TCF7L2: variants seen among roughly 807,000 people sequenced by gnomAD.
TCF7L2 encodes the protein transcription factor 7-like 2.
In TCF7L2, 23 loss-of-function variants were observed where a neutral mutation model predicts 77.9. The ratio of observed to expected loss-of-function variants is 0.30; its 90% CI spans 0.21 to 0.42. TCF7L2 has a LOEUF of 0.42. Among genes scored for constraint, TCF7L2 ranks in the 10% least tolerant of loss-of-function variants. TCF7L2 has a pLI of 1.00. For synonymous variants in TCF7L2, 413 were observed against 340.2 expected, an observed-to-expected ratio of 1.21 and a Z score of -2.36; for missense variants, 654 against 793.1, an observed-to-expected ratio of 0.82 and a Z score of 2.11.
intron 3 of TCF7L2, among the ~76,000 whole-genome samples, chr10:112,956,809 C>T (rs1000835554): frequency 2.6e-5 from 4 of 152,118 alleles, no homozygotes; most frequent in South Asian, 2.1e-4. Context: ...TTTGACGCCA[C>T]GTTGGCCTTA....
chr10:113,056,760 T>G (rs1591096746), intron 5 of TCF7L2, among the ~76,000 whole-genome samples: 2 of 152,308 alleles, frequency 1.3e-5, no homozygotes, highest in Non-Finnish European at 2.9e-5. Flanking sequence ...TTTTACAAAG[T>G]GTACTTTTAA....
intron 2 of TCF7L2, 77 bp downstream of exon 2, chr10:112,951,350 G>A (rs2031148704): frequency 1.0e-6 from 1 of 978,690 alleles, no homozygotes; most frequent in African/African-American, 1.8e-5. Flanking sequence ...CCGGCCCCGC[G>A]CCCGGCTCGG....
rs2074007680 is a variant in TCF7L2, at chr10:113,165,768, A to G, written c.1605A>G (p.Pro535=). The G allele has an allele frequency of 1.2e-6, 2 of 1,601,040 alleles. No homozygotes were observed. The highest frequency in any genetic ancestry group is 1.7e-6 in the Non-Finnish European group (2 of 1,175,490). The stretch of plus-strand genomic sequence containing the variant: ...CCCACCTGTCCATGATGCCTCCGCC[A>G]CCCGCCCTCCTGCTCGCTGAGGCCA... Residue 535 remains proline (P), a synonymous_variant, in exon 14 of 14, where the codon CCA becomes CCG. Transcript: ENST00000627217.
At chr10:113,110,561 A>T (rs1239899457) in intron 5 of TCF7L2, among the ~76,000 whole-genome samples, 1 of 152,172 alleles carries the variant, frequency 6.6e-6, no homozygotes, top group South Asian at 2.1e-4. Flanking sequence ...TCTTCTCACA[A>T]GCCTGGCTGC....
chr10:112,959,253 T>A (rs1043037992), intron 3 of TCF7L2, among the ~76,000 whole-genome samples: 1 of 152,190 alleles, frequency 6.6e-6, no homozygotes, highest in African/African-American at 2.4e-5. Flanking sequence ...GATAAAACTT[T>A]CTTGAAGCGA....
intron 5 of TCF7L2, among the ~76,000 whole-genome samples, chr10:113,074,317 G>A (rs574982860): frequency 2.0e-5 from 3 of 152,146 alleles, no homozygotes; most frequent in South Asian, 4.2e-4. Context: ...CCCTCTTCCC[G>A]TTGTCCAAAA....
At chr10:113,077,071 G>A (rs2058768652) in intron 5 of TCF7L2, among the ~76,000 whole-genome samples, 1 of 152,068 alleles carries the variant, frequency 6.6e-6, no homozygotes, top group Non-Finnish European at 1.5e-5. Flanking sequence ...TCCTGATTTG[G>A]GGTGCTAAGA....
intron 5 of TCF7L2, among the ~76,000 whole-genome samples, chr10:113,051,782 A>G (rs1382034697): frequency 6.6e-6 from 1 of 152,154 alleles, no homozygotes; most frequent in Non-Finnish European, 1.5e-5. Flanking sequence ...TATTTTTGGT[A>G]TCTCAGAGTT....
At chr10:113,107,568 C>A (rs998090579) in intron 5 of TCF7L2, among the ~76,000 whole-genome samples, 1 of 151,586 alleles carries the variant, frequency 6.6e-6, no homozygotes, top group Non-Finnish European at 1.5e-5. Context: ...ACAGTGAAAC[C>A]CTGTCTCCAC....
intron 4 of TCF7L2, among the ~76,000 whole-genome samples, chr10:112,965,465 C>G (rs1226346346): frequency 6.6e-6 from 1 of 152,106 alleles, no homozygotes; most frequent in Non-Finnish European, 1.5e-5. Flanking sequence ...CTGGCTTAAC[C>G]CTTTGAAGGG....
At chr10:112,953,071 C>A (rs1216291189) in intron 3 of TCF7L2, among the ~76,000 whole-genome samples, 1 of 152,124 alleles carries the variant, frequency 6.6e-6, no homozygotes, top group Admixed American at 6.5e-5. Context: ...GTTCAGCAGC[C>A]ATGGATTCGG....
intron 4 of TCF7L2, among the ~76,000 whole-genome samples, chr10:112,989,781 A>G (rs769554694): frequency 3.3e-5 from 5 of 152,220 alleles, no homozygotes; most frequent in Non-Finnish European, 5.9e-5. Context: ...GGTAGATGAA[A>G]TGTTGAGATT....
intron 5 of TCF7L2, among the ~76,000 whole-genome samples, chr10:113,093,092 C>G (rs113275947): frequency 6.6e-6 from 1 of 152,100 alleles, no homozygotes; most frequent in Admixed American, 6.6e-5. Context: ...GGGATATTCC[C>G]GCAGTCTGCT....
At chr10:113,105,387 G>A (rs1275841371) in intron 5 of TCF7L2, among the ~76,000 whole-genome samples, 3 of 152,112 alleles carry the variant, frequency 2.0e-5, no homozygotes, top group South Asian at 4.1e-4. Context: ...GAGCTTCTGG[G>A]ATTTGGAACT....
At chr10:112,997,674 C>G (rs993270802) in intron 4 of TCF7L2, among the ~76,000 whole-genome samples, 1 of 152,190 alleles carries the variant, frequency 6.6e-6, no homozygotes, top group African/African-American at 2.4e-5. Context: ...TGTAAAACAT[C>G]TCCCTGGTCT....
intron 11 of TCF7L2, among the ~76,000 whole-genome samples, chr10:113,155,450 G>A (rs1389729404): frequency 6.6e-6 from 1 of 152,146 alleles, no homozygotes; most frequent in Admixed American, 6.5e-5. Context: ...TTCACTAAGT[G>A]TAGGGTTTAT....
At chr10:113,016,613 C>T (rs1318646448) in intron 4 of TCF7L2, among the ~76,000 whole-genome samples, 5 of 152,136 alleles carry the variant, frequency 3.3e-5, no homozygotes, top group South Asian at 2.1e-4. Context: ...GGGAGCTCTC[C>T]GCTCTTTCCC....
At chr10:113,145,699 G>C (rs2069245838) in intron 7 of TCF7L2, among the ~76,000 whole-genome samples, 1 of 152,042 alleles carries the variant, frequency 6.6e-6, no homozygotes, top group Non-Finnish European at 1.5e-5. Context: ...TAGTGTGATG[G>C]CTCCATTAAA....
intron 4 of TCF7L2, among the ~76,000 whole-genome samples, chr10:112,965,658 TG>T: frequency 1.3e-5 from 2 of 151,612 alleles, no homozygotes; most frequent in African/African-American, 4.8e-5. Flanking sequence ...TGTGTGTGTG[TG>T]TGTGTGTGTG....
Sources: allele counts gnomAD v4.1 joint callset (sites outside exome capture counted in the v4.1 genomes callset), GRCh38; gene constraint gnomAD v4.1.1; transcripts MANE v1.5; gene names NCBI Gene and HGNC (gene_info 2026-07-23, HGNC 2026-07-21).